Variants in ZNF521 observed in about 807,000 individuals in gnomAD.
ZNF521 encodes the protein LYST-interacting protein 3.
ZNF521 carries 14 observed loss-of-function variants against 105.5 expected under a neutral mutation model. The observed-to-expected ratio is 0.13, with a 90% CI of 0.09 to 0.21. The LOEUF (loss-of-function observed/expected upper bound fraction) is 0.21, where lower values mean the gene tolerates loss of function less well. ZNF521 is among the 10% of genes least tolerant of loss of function. The pLI is 1.00. For synonymous variants in ZNF521, 635 were observed against 606.0 expected (o/e 1.05, Z -0.70); for missense variants, 1,233 against 1,629.7 (o/e 0.76, Z 4.19).
chr18:25,243,810 T>C (rs1907515193), intron 3 of ZNF521, among the ~76,000 whole-genome samples: 2 of 152,180 alleles, frequency 1.3e-5, no homozygotes, highest in African/African-American at 4.8e-5. Flanking sequence ...TTAATGTAAC[T>C]TGGTCTTAAG....
rs1192021615 is a variant in ZNF521 at position 25,062,618 on chromosome 18, A to C, written c.*94T>G. 7.0e-7 allele frequency: 1 copy of C among 1,425,600 alleles called. No individual in the cohort carries two copies. Among genetic ancestry groups the C allele is most frequent in the Non-Finnish European group, 9.7e-7 (1 of 1,034,420 alleles). The allele number at this position is 1,425,600 out of a possible 1,614,324, so 88.3% of individuals were successfully genotyped here. A position where few individuals can be genotyped will look rare whatever the true frequency, so the allele number is the denominator to read the frequency against. On this transcript the variant is annotated 3_prime_UTR_variant, in exon 8 of 8. Coordinates refer to ENST00000361524, the MANE Select transcript of ZNF521 (RefSeq NM_015461.3). ...ATGGTACAATACAATGTTTCTGAAT[A>C]ATATACATTAACAATGAAAGTTTCG...
chr18:25,241,801 G>A (rs1458229601), intron 3 of ZNF521, among the ~76,000 whole-genome samples: 1 of 152,156 alleles, frequency 6.6e-6, no homozygotes, highest in East Asian at 1.9e-4. Context: ...ACCATTATTT[G>A]TAAGTATTCA....
At chr18:25,310,630 G>A (rs1417040855) in intron 3 of ZNF521, among the ~76,000 whole-genome samples, 1 of 151,928 alleles carries the variant, frequency 6.6e-6, no homozygotes, top group African/African-American at 2.4e-5. Flanking sequence ...TTTAATAGAG[G>A]ACATATATAC....
At chr18:25,194,421 T>C (rs1427291893) in intron 5 of ZNF521, among the ~76,000 whole-genome samples, 1 of 151,656 alleles carries the variant, frequency 6.6e-6, no homozygotes, top group East Asian at 1.9e-4. Context: ...TAAATGCTTA[T>C]CAAATTAAAA....
In ZNF521 at chr18:25,225,918, G is replaced by C; in HGVS notation, c.2000C>G (p.Pro667Arg). Residue 667 changes from proline to arginine, a missense_variant, in exon 4 of 8, where the codon CCT becomes CGT. By Grantham distance (103) the Pro-to-Arg change is moderately radical. Around this residue, in one of 6 missense-constraint regions of ZNF521, gnomAD observed 614 missense variants for 751.5 expected, o/e 0.82. Transcript: ENST00000361524. This position sits in a 1 kb window ranked among gnomAD's most constrained non-coding sequence, Gnocchi z 5.6. ...GTTGGGGAATTCCTTGTTGCACTGAGGACAGGTCAATTTTGGAAGCACAGT... is the reference window on the plus strand; with the variant it reads ...GTTGGGGAATTCCTTGTTGCACTGACGACAGGTCAATTTTGGAAGCACAGT... ...LDTVLPKLTC[P>R]QCNKEFPNQE... 1 of 1,614,138 alleles carries C rather than the reference G, an allele frequency of 6.2e-7. No homozygotes were observed. Among genetic ancestry groups the C allele is most frequent in the Non-Finnish European group, 8.5e-7 (1 of 1,180,030 alleles).
chr18:25,230,064 T>A (rs1467451213), intron 3 of ZNF521, among the ~76,000 whole-genome samples: 8 of 152,198 alleles, frequency 5.3e-5, no homozygotes, highest in Admixed American at 5.2e-4. Flanking sequence ...GCTTGTAAAT[T>A]TCAGTGACAC....
Position 25,160,625 on chromosome 18 carries a change from C to A in ZNF521, c.3658+34535G>T, listed in dbSNP as rs148535761. Among the ~76,000 whole-genome samples, 171 of 152,268 alleles carry A rather than the reference C, an allele frequency of 1.1e-3. 1 individual carries two copies. The highest frequency in any genetic ancestry group is 3.6e-3 in the African/African-American group (150 of 41,530). ...AGTAAAAGTTCCACAGATAAGTTCG[C>A]GCATATGTGTTCTCTAGGTTTTGTG... On this transcript the variant is annotated intron_variant, in intron 5 of 7. Coordinates refer to ENST00000361524, the MANE Select transcript of ZNF521 (RefSeq NM_015461.3).
At position 25,227,119 on chromosome 18, in the gene ZNF521, C is replaced by G. The variant is rs1166947123; in HGVS notation, c.799G>C (p.Glu267Gln). The change falls in exon 4 of 8, where the codon GAG becomes CAG. Residue 267 changes from glutamate (E) to glutamine (Q), a missense_variant. This residue lies in a region of ZNF521 where 380 missense variants were observed against 478.0 expected (regional missense o/e 0.80). Coordinates refer to ENST00000361524, the MANE Select transcript of ZNF521 (RefSeq NM_015461.3). This position sits in a 1 kb window ranked among gnomAD's most constrained non-coding sequence, Gnocchi z 5.7. ...FPEDLQKHIA[E>Q]CHPECSPNED... is the part of the protein sequence containing the mutation. Reference sequence around the variant, plus strand: ...TTTGGGGAGCATTCGGGGTGGCACTCTGCAATGTGTTTTTGGAGGTCTTCC... The same window carrying G: ...TTTGGGGAGCATTCGGGGTGGCACTGTGCAATGTGTTTTTGGAGGTCTTCC... The G allele has an allele frequency of 1.2e-6, 2 of 1,614,164 alleles. No individual in the cohort carries two copies. The highest frequency in any genetic ancestry group is 3.3e-5 in the Admixed American group (2 of 60,020).
In ZNF521 at chr18:25,224,538, A is replaced by G. The variant is rs768716439; in HGVS notation, c.3380T>C (p.Ile1127Thr). Residue 1127 changes from isoleucine (I) to threonine (T), a missense_variant, in exon 4 of 8, where the codon ATT (isoleucine) becomes ACT (threonine). Coordinates refer to ENST00000361524, the MANE Select transcript of ZNF521 (RefSeq NM_015461.3). ...TCCCCCCACCTTGCCTTTCCCCTCA[A>G]TGGCACTCAGATTCTCATTCTGGCC... is the stretch of plus-strand genomic sequence containing the variant. ...GLGQNENLSA[I>T]EGKGKVGGLK... The G allele has an allele frequency of 3.7e-6, 6 of 1,613,626 alleles. No homozygotes were observed. The East Asian group carries it at 6.7e-5, about 18-fold the overall frequency.
rs55759335 is a variant in ZNF521, at chr18:25,116,871, G to GTA, written c.3659-24792_3659-24791dup. 4.5e-3 allele frequency among the ~76,000 whole-genome samples: 623 copies of GTA among 138,738 alleles called. 7 individuals carry two copies. Among genetic ancestry groups the GTA allele is most frequent in the East Asian group, 0.019 (93 of 4,838 alleles). 91.0% of individuals were successfully genotyped at this position (138,738 alleles called of 152,430 possible). A position where few individuals can be genotyped will look rare whatever the true frequency, so the allele number is the denominator to read the frequency against. The stretch of plus-strand genomic sequence containing the variant: ...GAAAATCTGTTACATATATATATAC[G>GTA]TATATATATATATATACGTATATAT... On this transcript the variant is annotated intron_variant, in intron 5 of 7. Transcript: ENST00000361524.
intron 5 of ZNF521, among the ~76,000 whole-genome samples, chr18:25,102,244 T>A (rs1212621715): frequency 6.6e-6 from 1 of 151,874 alleles, no homozygotes; most frequent in Admixed American, 6.6e-5. Flanking sequence ...CTATTTGGCA[T>A]TTTTTTTAAA....
At chr18:25,200,781 CTA>C (rs2035979187) in intron 4 of ZNF521, among the ~76,000 whole-genome samples, 1 of 152,038 alleles carries the variant, frequency 6.6e-6, no homozygotes, top group African/African-American at 2.4e-5. Context: ...TTTAAAATGA[CTA>C]TTTTTCATTT....
intron 3 of ZNF521, among the ~76,000 whole-genome samples, chr18:25,267,733 A>G (rs1909368646): frequency 6.6e-6 from 1 of 152,202 alleles, no homozygotes; most frequent in African/African-American, 2.4e-5. Context: ...AAACAGCATC[A>G]GTATCAACAA....
At chr18:25,081,445 T>A (rs1006188016) in intron 7 of ZNF521, among the ~76,000 whole-genome samples, 1 of 152,102 alleles carries the variant, frequency 6.6e-6, no homozygotes, top group Non-Finnish European at 1.5e-5. Flanking sequence ...CAAATGCAAA[T>A]AAAGTGGTTT....
intron 5 of ZNF521, among the ~76,000 whole-genome samples, chr18:25,180,110 C>T (rs527481390): frequency 6.6e-6 from 1 of 152,208 alleles, no homozygotes; most frequent in East Asian, 1.9e-4. Flanking sequence ...AAATGAAAGC[C>T]CTTTTTTGCC....
At chr18:25,127,614 T>C (rs891397110) in intron 5 of ZNF521, among the ~76,000 whole-genome samples, 7 of 152,016 alleles carry the variant, frequency 4.6e-5, no homozygotes, top group Non-Finnish European at 1.0e-4. Flanking sequence ...CCAACAAATA[T>C]GAATTTATAT....
At chr18:25,116,009 G>C (rs189549519) in intron 5 of ZNF521, among the ~76,000 whole-genome samples, 1 of 152,202 alleles carries the variant, frequency 6.6e-6, no homozygotes, top group Non-Finnish European at 1.5e-5. Context: ...GTGGTAAAAA[G>C]ACCAAATATT....
intron 7 of ZNF521, among the ~76,000 whole-genome samples, chr18:25,070,617 G>A (rs1283310697): frequency 2.0e-5 from 3 of 152,114 alleles, no homozygotes; most frequent in East Asian, 1.9e-4. Flanking sequence ...GACATTTGGC[G>A]CTGGACAATT....
intron 5 of ZNF521, among the ~76,000 whole-genome samples, chr18:25,194,580 A>G (rs2035871980): frequency 6.6e-6 from 1 of 151,760 alleles, no homozygotes; most frequent in African/African-American, 2.4e-5. Flanking sequence ...TCCCCAAACT[A>G]CTTTTATTAA....
Sources: allele counts gnomAD v4.1 joint callset (sites outside exome capture counted in the v4.1 genomes callset), GRCh38; gene constraint gnomAD v4.1.1; regional missense constraint gnomAD v4.1.1; non-coding constraint Gnocchi (gnomAD v3.1); transcripts MANE v1.5; gene names NCBI Gene and HGNC (gene_info 2026-07-23, HGNC 2026-07-21).